REDIC1: variants seen among roughly 807,000 people sequenced by gnomAD.
The protein encoded by REDIC1 is HEI10 Interacting Protein 1.
chr12:39,864,825 G>A, the REDIC1 span: 1 of 1,614,004 alleles, frequency 6.2e-7, no homozygotes, highest in Non-Finnish European at 8.5e-7. Context: ...GATGCGTGGG[G>A]AAACTTGGGC....
the REDIC1 span, among the ~76,000 whole-genome samples, chr12:39,679,237 T>C: frequency 1.3e-5 from 2 of 152,092 alleles, no homozygotes; most frequent in East Asian, 1.9e-4. Context: ...ACCAATGACA[T>C]AATAGTATAC....
the REDIC1 span, among the ~76,000 whole-genome samples, chr12:39,732,270 T>C: frequency 6.6e-6 from 1 of 152,228 alleles, no homozygotes; most frequent in Non-Finnish European, 1.5e-5. Context: ...ATAGTCATGG[T>C]TTTGCAGATT....
chr12:39,788,684 G>T, the REDIC1 span: 1 of 152,004 alleles, frequency 6.6e-6, no homozygotes, highest in Middle Eastern at 3.2e-3. Flanking sequence ...AAAACTTTAG[G>T]AATCATCTAA....
chr12:39,862,512 T>C, the REDIC1 span, among the ~76,000 whole-genome samples: 4 of 152,210 alleles, frequency 2.6e-5, no homozygotes, highest in African/African-American at 4.8e-5. Context: ...ACTAATAGAA[T>C]AGAATATGAT....
chr12:39,731,332 G>A, the REDIC1 span, among the ~76,000 whole-genome samples: 1 of 152,102 alleles, frequency 6.6e-6, no homozygotes, highest in African/African-American at 2.4e-5. Flanking sequence ...CTTCGGATGG[G>A]GTTTCTGTGT....
chr12:39,708,864 T>C, the REDIC1 span, among the ~76,000 whole-genome samples: 1 of 151,908 alleles, frequency 6.6e-6, no homozygotes, highest in East Asian at 1.9e-4. Flanking sequence ...TGTTTTTCCA[T>C]ATAACCTTTA....
the REDIC1 span, among the ~76,000 whole-genome samples, chr12:39,680,870 A>G: frequency 2.6e-5 from 4 of 152,182 alleles, no homozygotes; most frequent in Non-Finnish European, 5.9e-5. Flanking sequence ...ACCTAGATGG[A>G]GTTGGAAACT....
chr12:39,725,848 C>T, the REDIC1 span, among the ~76,000 whole-genome samples: 4 of 151,822 alleles, frequency 2.6e-5, no homozygotes, highest in East Asian at 3.9e-4. Context: ...ATACACACAG[C>T]GAATTGAGGT....
chr12:39,770,150 T>G, the REDIC1 span, among the ~76,000 whole-genome samples: 2 of 152,096 alleles, frequency 1.3e-5, no homozygotes. Context: ...TAAGGTTCTA[T>G]TTTGGGACCT....
At chr12:39,826,864 T>TTTTTTTTTTTTTTTTTTTTTTTTC in the REDIC1 span, among the ~76,000 whole-genome samples, 5 of 143,504 alleles carry the variant, frequency 3.5e-5, no homozygotes, top group Admixed American at 1.4e-4. Flanking sequence ...ATTTTTTTTT[T>TTTTTTTTTTTTTTTTTTTTTTTTC]TTTTTTTTGC....
chr12:39,706,666 C>G, the REDIC1 span, among the ~76,000 whole-genome samples: 8 of 151,920 alleles, frequency 5.3e-5, no homozygotes, highest in East Asian at 1.5e-3. Flanking sequence ...GACACATAGA[C>G]CAATGGAACA....
chr12:39,895,659 T>C, the REDIC1 span, among the ~76,000 whole-genome samples: 1 of 130,056 alleles, frequency 7.7e-6, no homozygotes, highest in Non-Finnish European at 1.6e-5. Flanking sequence ...CGTACACACA[T>C]ATGTATATGC....
chr12:39,656,557 A>G, the REDIC1 span, among the ~76,000 whole-genome samples: 1 of 152,204 alleles, frequency 6.6e-6, no homozygotes, highest in Non-Finnish European at 1.5e-5. Context: ...GTTATTTTAG[A>G]GTGTGCTCTT....
the REDIC1 span, among the ~76,000 whole-genome samples, chr12:39,846,419 C>T: frequency 4.6e-5 from 7 of 152,056 alleles, no homozygotes; most frequent in Admixed American, 1.3e-4. Flanking sequence ...TTCTGCTGTC[C>T]GCTAAACCAT....
chr12:39,647,407 T>A, the REDIC1 span, among the ~76,000 whole-genome samples: 1 of 152,076 alleles, frequency 6.6e-6, no homozygotes, highest in African/African-American at 2.4e-5. Context: ...TATCATTTTT[T>A]TCCTTTGAAT....
the REDIC1 span, among the ~76,000 whole-genome samples, chr12:39,771,226 C>A: frequency 1.3e-5 from 2 of 152,066 alleles, no homozygotes; most frequent in Non-Finnish European, 2.9e-5. Context: ...GATTTTCATG[C>A]CTTGTGTAGT....
chr12:39,880,656 A>G, the REDIC1 span, among the ~76,000 whole-genome samples: 3 of 152,220 alleles, frequency 2.0e-5, no homozygotes, highest in Non-Finnish European at 4.4e-5. Flanking sequence ...TTTTGGAAGA[A>G]CAAAGAAGAA....
At chr12:39,678,186 G>T in the REDIC1 span, among the ~76,000 whole-genome samples, 3 of 151,984 alleles carry the variant, frequency 2.0e-5, no homozygotes, top group Admixed American at 6.6e-5. Context: ...AAAATTGATG[G>T]ACCATTAGCA....
At chr12:39,795,401 A>G in the REDIC1 span, among the ~76,000 whole-genome samples, 1 of 152,094 alleles carries the variant, frequency 6.6e-6, no homozygotes, top group Non-Finnish European at 1.5e-5. Flanking sequence ...TTGTCTGCTC[A>G]TATTTCCAAA....
Sources: gnomAD v4.1 joint callset for allele counts (sites outside exome capture counted in the v4.1 genomes callset) on GRCh38, gnomAD v4.1.1 for gene constraint, MANE v1.5 for transcripts, NCBI Gene and HGNC (gene_info 2026-07-23, HGNC 2026-07-21) for gene names.